RAD23B: variants seen among roughly 807,000 people sequenced by gnomAD.
RAD23B encodes the protein lysine-specific demethylase RAD23B.
In RAD23B, 5 loss-of-function variants were observed where a neutral mutation model predicts 49.1. That is an observed-to-expected ratio of 0.10 (90% CI 0.05 to 0.21). The LOEUF is 0.21. Among genes scored for constraint, RAD23B ranks in the 10% least tolerant of loss-of-function variants. The pLI is 1.00. For synonymous variants in RAD23B, 184 were observed against 165.4 expected (o/e 1.11, Z -0.86); for missense variants, 356 against 486.7 (o/e 0.73, Z 2.53).
chr9:107,308,452 CA>C (rs1826827350), intron 4 of RAD23B, among the ~76,000 whole-genome samples: 1 of 152,146 alleles, frequency 6.6e-6, no homozygotes, highest in Non-Finnish European at 1.5e-5. Flanking sequence ...CTCCTGACCT[CA>C]GGTGATCTGC....
At position 107,283,510 on chromosome 9, in the gene RAD23B, A is replaced by T. The variant is rs1833199319; in HGVS notation, c.-120A>T. 3.0e-6 allele frequency: 2 copies of T among 669,822 alleles called. No individual in the cohort carries two copies. The highest frequency in any genetic ancestry group is 4.5e-6 in the Non-Finnish European group (2 of 442,130). The allele number at this position is 669,822 out of a possible 1,614,324, so 41.5% of individuals were successfully genotyped here. A position where few individuals can be genotyped will look rare whatever the true frequency, so the allele number is the denominator to read the frequency against. On this transcript the variant is annotated 5_prime_UTR_variant, in exon 1 of 10. Coordinates refer to ENST00000358015, the MANE Select transcript of RAD23B (RefSeq NM_002874.5). The stretch of plus-strand genomic sequence containing the variant: ...GCGAATGTGACAAGCCCCCACCCCC[A>T]CCGCCTTCCTCCCCAGAGCGCGAGG...
chr9:107,284,851 G>C (rs10733562), intron 1 of RAD23B: 1,185,014 of 1,231,980 alleles, frequency 0.96, 570,060 homozygotes, highest in African/African-American at 0.99. Context: ...GCAAATTACG[G>C]TTAGTTTCAT....
intron 1 of RAD23B, among the ~76,000 whole-genome samples, chr9:107,295,032 C>G (rs964975054): frequency 1.3e-5 from 2 of 149,742 alleles, no homozygotes; most frequent in African/African-American, 5.0e-5. Context: ...TATGGTGTTG[C>G]AGAATTCAGT....
At chr9:107,313,081 C>CT (rs1826921432) in intron 5 of RAD23B, among the ~76,000 whole-genome samples, 1 of 152,002 alleles carries the variant, frequency 6.6e-6, no homozygotes, top group African/African-American at 2.4e-5. Flanking sequence ...TATCTTGTTG[C>CT]TGTACAAATT....
intron 1 of RAD23B, among the ~76,000 whole-genome samples, chr9:107,292,355 A>G (rs939408967): frequency 6.6e-6 from 1 of 152,194 alleles, no homozygotes; most frequent in African/African-American, 2.4e-5. Flanking sequence ...ATGCGAAATT[A>G]TTTGGTCAAA....
chr9:107,317,812 A>C (rs893810060), intron 5 of RAD23B, among the ~76,000 whole-genome samples: 1 of 152,076 alleles, frequency 6.6e-6, no homozygotes, highest in Non-Finnish European at 1.5e-5. Context: ...AGGAGGGAGC[A>C]TAGGAGTCTG....
intron 1 of RAD23B, among the ~76,000 whole-genome samples, chr9:107,295,296 G>T (rs563076530): frequency 6.6e-6 from 1 of 152,230 alleles, no homozygotes; most frequent in Non-Finnish European, 1.5e-5. Context: ...TTTTTAAAAT[G>T]ATGAAGTATT....
rs546579904 is a variant in RAD23B at position 107,331,751 on chromosome 9, C to A, written c.*2095C>A. On this transcript the variant is annotated 3_prime_UTR_variant, in exon 10 of 10. Coordinates refer to ENST00000358015, the MANE Select transcript of RAD23B (RefSeq NM_002874.5). ...CAGAAGGTGGCATGGAGCTTGTGTCCTTGGACAACAAATCTGGATATACTA... is the reference window on the plus strand; with the variant it reads ...CAGAAGGTGGCATGGAGCTTGTGTCATTGGACAACAAATCTGGATATACTA... 1 of 775,370 alleles carries A rather than the reference C, an allele frequency of 1.3e-6. No individual in the cohort carries two copies. The highest frequency in any genetic ancestry group is 2.4e-6 in the Non-Finnish European group (1 of 416,962). The allele number at this position is 775,370 out of a possible 1,614,324, so 48.0% of individuals were successfully genotyped here. A position where few individuals can be genotyped will look rare whatever the true frequency, so the allele number is the denominator to read the frequency against.
At chr9:107,302,563 G>C (rs1267477818) in intron 3 of RAD23B, among the ~76,000 whole-genome samples, 1 of 151,678 alleles carries the variant, frequency 6.6e-6, no homozygotes, top group African/African-American at 2.4e-5. Flanking sequence ...ATAGTTCTTA[G>C]TGAAAGAATA....
chr9:107,316,570 T>G (rs1420913336), intron 5 of RAD23B, among the ~76,000 whole-genome samples: 1 of 152,164 alleles, frequency 6.6e-6, no homozygotes, highest in Admixed American at 6.5e-5. Flanking sequence ...AATAAATAAT[T>G]AAAATTTATT....
chr9:107,292,665 C>A (rs575619878), intron 1 of RAD23B, among the ~76,000 whole-genome samples: 1 of 101,634 alleles, frequency 9.8e-6, no homozygotes. Context: ...GGTGACAGAG[C>A]GAGACTCTGT....
intron 1 of RAD23B, among the ~76,000 whole-genome samples, chr9:107,285,138 G>A (rs1240903347): frequency 6.6e-6 from 1 of 152,154 alleles, no homozygotes; most frequent in East Asian, 1.9e-4. Flanking sequence ...TAAAAGTACA[G>A]GAGATCTCAG....
intron 4 of RAD23B, 134 bp downstream of exon 4, chr9:107,306,781 A>G (rs1826787009): frequency 2.1e-6 from 2 of 973,564 alleles, no homozygotes; most frequent in Admixed American, 2.9e-5. Flanking sequence ...GTTTGACTAA[A>G]ACATATGCTG....
At chr9:107,313,983 C>G (rs941925665) in intron 5 of RAD23B, among the ~76,000 whole-genome samples, 1 of 151,722 alleles carries the variant, frequency 6.6e-6, no homozygotes, top group Non-Finnish European at 1.5e-5. Context: ...TCCACAGTTA[C>G]TAATGACTCT....
chr9:107,321,071 T>C (rs566074828), intron 6 of RAD23B, among the ~76,000 whole-genome samples: 1 of 152,270 alleles, frequency 6.6e-6, no homozygotes, highest in East Asian at 1.9e-4. Context: ...TGCATCAAAA[T>C]AGGTGTCCCA....
intron 9 of RAD23B, 81 bp from the exon 10 acceptor site, chr9:107,329,462 C>G: frequency 1.1e-6 from 1 of 894,104 alleles, no homozygotes; most frequent in Non-Finnish European, 1.7e-6. Flanking sequence ...TAGTGCTATG[C>G]TGGAATCTAT....
chr9:107,305,494 AT>A (rs563177799), intron 3 of RAD23B, among the ~76,000 whole-genome samples: 1 of 152,148 alleles, frequency 6.6e-6, no homozygotes, highest in Non-Finnish European at 1.5e-5. Context: ...AGTGTAACTT[AT>A]ATTGAAAAAA....
intron 4 of RAD23B, among the ~76,000 whole-genome samples, 199 bp downstream of exon 4, chr9:107,306,846 A>T (rs1826788944): frequency 6.6e-6 from 1 of 151,856 alleles, no homozygotes; most frequent in Non-Finnish European, 1.5e-5. Context: ...TCATAATCAG[A>T]TTTCTGTACT....
intron 9 of RAD23B, among the ~76,000 whole-genome samples, chr9:107,326,241 A>G (rs1370966297): frequency 6.6e-6 from 1 of 151,976 alleles, no homozygotes; most frequent in Non-Finnish European, 1.5e-5. Context: ...TGAGTTGGGA[A>G]TTATTCTCTC....
Sources: allele counts gnomAD v4.1 joint callset (sites outside exome capture counted in the v4.1 genomes callset), GRCh38; gene constraint gnomAD v4.1.1; transcripts MANE v1.5; gene names NCBI Gene and HGNC (gene_info 2026-07-23, HGNC 2026-07-21).